SNX7: variants seen among roughly 807,000 people sequenced by gnomAD.
The protein encoded by SNX7 is sorting nexin-7.
SNX7 carries 35 observed loss-of-function variants against 48.4 expected under a neutral mutation model. That is an observed-to-expected ratio of 0.72 (90% CI 0.55 to 0.96). The LOEUF (loss-of-function observed/expected upper bound fraction) is 0.96. SNX7 is among the 40% of genes least tolerant of loss of function. The pLI is 0.00. For synonymous variants in SNX7, 190 were observed against 190.2 expected, an observed-to-expected ratio of 1.00 and a Z score of 0.01; for missense variants, 553 against 548.9, an observed-to-expected ratio of 1.01 and a Z score of -0.07.
intron 2 of SNX7, among the ~76,000 whole-genome samples, chr1:98,689,602 G>T (rs963849679): frequency 2.0e-5 from 3 of 151,952 alleles, no homozygotes; most frequent in East Asian, 1.9e-4. Context: ...TTAACTGCTG[G>T]TTTTTTTCTT....
intron 1 of SNX7, among the ~76,000 whole-genome samples, chr1:98,677,990 C>CGTGT (rs56259822): frequency 1.1e-4 from 15 of 141,876 alleles, no homozygotes; most frequent in African/African-American, 3.8e-4. Flanking sequence ...TGTGTGTGTG[C>CGTGT]GTGTGTGTGT....
At chr1:98,664,210 T>A (rs1194590806) in intron 1 of SNX7, among the ~76,000 whole-genome samples, 1 of 152,190 alleles carries the variant, frequency 6.6e-6, no homozygotes, top group Non-Finnish European at 1.5e-5. Flanking sequence ...CCTTATTCTC[T>A]TAGATTATTT....
At chr1:98,702,790 A>G (rs954304704) in intron 7 of SNX7, among the ~76,000 whole-genome samples, 1 of 152,102 alleles carries the variant, frequency 6.6e-6, no homozygotes, top group Non-Finnish European at 1.5e-5. Flanking sequence ...CTTTTAACCT[A>G]ACGAACTTCT....
chr1:98,673,127 A>AG (rs1264201813), intron 1 of SNX7, among the ~76,000 whole-genome samples: 1 of 152,224 alleles, frequency 6.6e-6, no homozygotes, highest in Non-Finnish European at 1.5e-5. Context: ...CATTTATCAC[A>AG]GAGTGCTCCT....
chr1:98,665,871 T>C (rs904209806), intron 1 of SNX7, among the ~76,000 whole-genome samples: 1 of 152,330 alleles, frequency 6.6e-6, no homozygotes, highest in African/African-American at 2.4e-5. Context: ...ATTACAGGCG[T>C]GAGCCACCGT....
intron 7 of SNX7, among the ~76,000 whole-genome samples, chr1:98,728,462 A>G (rs1331819855): frequency 3.3e-5 from 5 of 152,202 alleles, no homozygotes; most frequent in Non-Finnish European, 2.9e-5. Context: ...TTGGCCTTAA[A>G]TGTAAATGGG....
At chr1:98,719,868 TATAA>T (rs1256811929) in intron 7 of SNX7, among the ~76,000 whole-genome samples, 1 of 81,712 alleles carries the variant, frequency 1.2e-5, no homozygotes, top group African/African-American at 5.3e-5. Flanking sequence ...CAACTATATA[TATAA>T]AATATATATT....
intron 8 of SNX7, among the ~76,000 whole-genome samples, chr1:98,751,385 A>G (rs1475722135): frequency 2.0e-5 from 3 of 152,036 alleles, no homozygotes; most frequent in Non-Finnish European, 4.4e-5. Flanking sequence ...TTTTCTATGT[A>G]TTCCATCTGT....
chr1:98,687,732 G>T (rs994492512), intron 2 of SNX7, among the ~76,000 whole-genome samples: 6 of 152,122 alleles, frequency 3.9e-5, no homozygotes, highest in South Asian at 2.1e-4. Flanking sequence ...CCAGTACTGG[G>T]TAATTTATAA....
chr1:98,723,049 C>T (rs1025622212), intron 7 of SNX7, among the ~76,000 whole-genome samples: 3 of 152,050 alleles, frequency 2.0e-5, no homozygotes, highest in Non-Finnish European at 4.4e-5. Flanking sequence ...ACCCCAGGCC[C>T]CTCATGGTAG....
At chr1:98,717,150 C>T (rs774458786) in intron 7 of SNX7, among the ~76,000 whole-genome samples, 4 of 151,788 alleles carry the variant, frequency 2.6e-5, no homozygotes, top group Non-Finnish European at 4.4e-5. Flanking sequence ...TATGTGTTAA[C>T]TAGATCAACA....
intron 8 of SNX7, among the ~76,000 whole-genome samples, chr1:98,749,370 T>C (rs1268627678): frequency 2.0e-5 from 3 of 152,134 alleles, no homozygotes; most frequent in Non-Finnish European, 4.4e-5. Flanking sequence ...TCCTTTTGCA[T>C]TAACTATCTG....
rs529047192 is a variant in SNX7 at position 98,706,937 on chromosome 1, C to G, written c.1125+5034C>G. On this transcript the variant is annotated intron_variant, in intron 7 of 8. Transcript: ENST00000306121. ...TTTGGAAAGGTAAAGTTTGATTTGC[C>G]TATTAGTCACCCAATGGAGCTATTG... is the stretch of plus-strand genomic sequence containing the variant. Among the ~76,000 whole-genome samples, 35 of 152,176 alleles carry G rather than the reference C, an allele frequency of 2.3e-4. 1 individual carries two copies. The South Asian group carries it at 7.1e-3, about 31-fold the overall frequency.
intron 1 of SNX7, among the ~76,000 whole-genome samples, chr1:98,667,080 G>T (rs1456051978): frequency 6.6e-6 from 1 of 152,172 alleles, no homozygotes; most frequent in Non-Finnish European, 1.5e-5. Context: ...TTTCTGCTGT[G>T]TGCTTCCTGA....
intron 5 of SNX7, among the ~76,000 whole-genome samples, chr1:98,697,964 A>G (rs1017772342): frequency 1.3e-5 from 2 of 152,168 alleles, no homozygotes; most frequent in Non-Finnish European, 2.9e-5. Context: ...ATGAATGAAC[A>G]AGCAATTTGG....
intron 1 of SNX7, among the ~76,000 whole-genome samples, chr1:98,673,028 A>G (rs1156850999): frequency 6.6e-6 from 1 of 152,078 alleles, no homozygotes; most frequent in Admixed American, 6.6e-5. Flanking sequence ...GCTAATGCTC[A>G]TGAAGAGTCT....
upstream of SNX7, among the ~76,000 whole-genome samples, chr1:98,661,502 T>C (rs368883806): frequency 6.6e-6 from 1 of 152,086 alleles, no homozygotes; most frequent in Non-Finnish European, 1.5e-5. Context: ...TTCTCCAACG[T>C]AGCCGGAGTC....
chr1:98,682,022 G>C (rs920723727), intron 1 of SNX7, among the ~76,000 whole-genome samples: 7 of 151,856 alleles, frequency 4.6e-5, no homozygotes, highest in Non-Finnish European at 1.0e-4. Flanking sequence ...TTTATCTACA[G>C]ATCTAACATA....
intron 7 of SNX7, among the ~76,000 whole-genome samples, chr1:98,734,300 G>A (rs1653666520): frequency 6.6e-6 from 1 of 151,860 alleles, no homozygotes; most frequent in African/African-American, 2.4e-5. Context: ...ATAGCCTTTG[G>A]TTTTTTGCTT....
Sources: allele counts gnomAD v4.1 joint callset (sites outside exome capture counted in the v4.1 genomes callset), GRCh38; gene constraint gnomAD v4.1.1; transcripts MANE v1.5; gene names NCBI Gene and HGNC (gene_info 2026-07-23, HGNC 2026-07-21).